Variants in PLCE1 observed in about 807,000 individuals in gnomAD.
PLCE1 encodes the protein 1-phosphatidylinositol 4,5-bisphosphate phosphodiesterase epsilon-1.
PLCE1 carries 119 observed loss-of-function variants against 242.8 expected under a neutral mutation model. That is an observed-to-expected ratio of 0.49 (90% CI 0.42 to 0.57). The LOEUF is 0.57. Among genes scored for constraint, PLCE1 ranks in the 20% least tolerant of loss-of-function variants. The pLI is 0.00. For synonymous variants in PLCE1, 945 were observed against 1,017.4 expected, an observed-to-expected ratio of 0.93 and a Z score of 1.35; for missense variants, 2,441 against 2,788.8, an observed-to-expected ratio of 0.88 and a Z score of 2.81.
At chr10:94,009,431 A>G (rs138375650) in intron 1 of PLCE1, among the ~76,000 whole-genome samples, 1 of 152,284 alleles carries the variant, frequency 6.6e-6, no homozygotes, top group East Asian at 1.9e-4. Context: ...TTTGGAGGGC[A>G]CAAACATCCA....
At chr10:94,014,204 G>T (rs1256956675) in intron 1 of PLCE1, among the ~76,000 whole-genome samples, 1 of 152,162 alleles carries the variant, frequency 6.6e-6, no homozygotes, top group Non-Finnish European at 1.5e-5. Flanking sequence ...GTCAACAGGA[G>T]GGGGTGTCAA....
At chr10:94,075,005 G>T (rs1266736555) in intron 2 of PLCE1, among the ~76,000 whole-genome samples, 2 of 152,146 alleles carry the variant, frequency 1.3e-5, no homozygotes, top group Non-Finnish European at 2.9e-5. Context: ...AGTGCCTGGG[G>T]TTCTGTTCTT....
At chr10:94,137,276 T>A (rs1025331785) in intron 3 of PLCE1, among the ~76,000 whole-genome samples, 1 of 152,168 alleles carries the variant, frequency 6.6e-6, no homozygotes, top group African/African-American at 2.4e-5. Flanking sequence ...GACTAACACC[T>A]TATAGCAGTG....
intron 20 of PLCE1, chr10:94,283,360 G>A (rs889344803): frequency 6.1e-6 from 1 of 164,826 alleles, no homozygotes; most frequent in African/African-American, 2.4e-5. Context: ...TCATTTCAAA[G>A]TGAGAGTGAG....
chr10:94,136,699 C>T (rs531097344), intron 3 of PLCE1, among the ~76,000 whole-genome samples: 1 of 152,332 alleles, frequency 6.6e-6, no homozygotes, highest in African/African-American at 2.4e-5. Flanking sequence ...AGAACACAAA[C>T]ATGCCTGCTT....
intron 9 of PLCE1, 108 bp downstream of exon 9, chr10:94,252,606 G>A (rs568406327): frequency 6.9e-5 from 65 of 942,318 alleles, no homozygotes; most frequent in Non-Finnish European, 4.0e-5. Flanking sequence ...ACAAAGTCAG[G>A]TATAAAATAG....
At chr10:94,018,981 T>C (rs1309300746) in intron 1 of PLCE1, among the ~76,000 whole-genome samples, 1 of 152,202 alleles carries the variant, frequency 6.6e-6, no homozygotes, top group Non-Finnish European at 1.5e-5. Context: ...ATAGACATAG[T>C]CCTATATCAG....
chr10:94,102,279 G>A (rs1280194330), intron 2 of PLCE1, among the ~76,000 whole-genome samples: 1 of 152,176 alleles, frequency 6.6e-6, no homozygotes, highest in Admixed American at 6.5e-5. Flanking sequence ...CTTCAAACTA[G>A]TGAATTGCAG....
At chr10:94,267,906 C>G (rs750527270) in intron 16 of PLCE1, among the ~76,000 whole-genome samples, 1 of 152,228 alleles carries the variant, frequency 6.6e-6, no homozygotes, top group Non-Finnish European at 1.5e-5. Context: ...ATTCCACTAT[C>G]TGAGCTTAGT....
At chr10:94,297,589 G>GA in intron 23 of PLCE1, among the ~76,000 whole-genome samples, 1 of 23,626 alleles carries the variant, frequency 4.2e-5, no homozygotes, top group Non-Finnish European at 8.3e-5. Context: ...CTTTAAATTT[G>GA]TAAAAAAAAA....
intron 7 of PLCE1, among the ~76,000 whole-genome samples, chr10:94,244,942 C>A (rs2050628066): frequency 6.6e-6 from 1 of 152,170 alleles, no homozygotes; most frequent in Non-Finnish European, 1.5e-5. Context: ...CTCAAGCAGT[C>A]TGCCTACTTT....
In PLCE1 at chr10:94,270,483, T is replaced by C. The variant is rs1230172659; in HGVS notation, c.4390-3T>C. On this transcript the variant is annotated splice_polypyrimidine_tract_variant and splice_region_variant and intron_variant, in intron 17 of 32. Transcript: ENST00000371380. ...CTCTAATGAGCTGTTTTGGCTCTCA[T>C]AGGAAGTGGTTGAAGCCATTGATCG... 2.5e-6 allele frequency: 4 copies of C among 1,602,128 alleles called. No homozygotes were observed. Among genetic ancestry groups the C allele is most frequent in the Admixed American group, 1.7e-5 (1 of 60,012 alleles).
intron 24 of PLCE1, among the ~76,000 whole-genome samples, chr10:94,301,890 T>C (rs2053052202): frequency 6.8e-6 from 1 of 147,566 alleles, no homozygotes; most frequent in Non-Finnish European, 1.5e-5. Context: ...TTTATTAAGC[T>C]TTTTTGAATG....
chr10:94,296,899 A>G (rs1334262159), intron 23 of PLCE1, among the ~76,000 whole-genome samples: 1 of 151,182 alleles, frequency 6.6e-6, no homozygotes, highest in African/African-American at 2.4e-5. Context: ...TTTGAGGCAG[A>G]GTCTCACCCT....
intron 3 of PLCE1, chr10:94,138,242 T>C (rs1036837016): frequency 3.0e-5 from 10 of 328,316 alleles, no homozygotes; most frequent in African/African-American, 2.2e-4. Context: ...GGGTGCTGCA[T>C]ATTGACCTTG....
At chr10:94,119,315 G>T (rs1334578278) in intron 2 of PLCE1, among the ~76,000 whole-genome samples, 13 of 152,028 alleles carry the variant, frequency 8.6e-5, no homozygotes, top group African/African-American at 3.1e-4. Flanking sequence ...AATACCTCTG[G>T]AAGGCAATGG....
chr10:94,255,875 ATC>A lies in PLCE1; in HGVS notation c.3554+829_3554+830del, dbSNP rs1491447104. ...AGCTAAAACAGGAACTCTTTACTTT[ATC>A]TCACACACACACACACACACACACA... On this transcript the variant is annotated intron_variant, in intron 11 of 32. Transcript: ENST00000371380. 7.2e-5 allele frequency among the ~76,000 whole-genome samples: 7 copies of A among 97,182 alleles called. No individual in the cohort carries two copies. The East Asian group carries it at 2.3e-3, about 32-fold the overall frequency. The allele number at this position is 97,182 out of a possible 152,430, so 63.8% of individuals were successfully genotyped here.
intron 17 of PLCE1, 113 bp from the exon 18 acceptor site, chr10:94,270,373 G>A: frequency 3.8e-6 from 3 of 789,930 alleles, no homozygotes; most frequent in South Asian, 2.7e-5. Context: ...ACCATCTTTG[G>A]CCAGAGTCTG....
intron 2 of PLCE1, chr10:94,109,020 T>C (rs977882731): frequency 6.6e-6 from 1 of 152,230 alleles, no homozygotes; most frequent in South Asian, 2.1e-4. Flanking sequence ...TGCTAGTTGA[T>C]ATAGACAAGC....
Sources: gnomAD v4.1 joint callset for allele counts (sites outside exome capture counted in the v4.1 genomes callset) on GRCh38, gnomAD v4.1.1 for gene constraint, MANE v1.5 for transcripts, NCBI Gene and HGNC (gene_info 2026-07-23, HGNC 2026-07-21) for gene names.